The following ZBTB8OS variants were observed in gnomAD, a reference collection of about 807,000 sequenced individuals.
ZBTB8OS encodes the protein tRNA splicing ligase complex subunit 1, also known as tRNA-splicing ligase-activating factor archease.
In ZBTB8OS, 16 loss-of-function variants were observed where a neutral mutation model predicts 29.3. The observed-to-expected ratio is 0.55, with a 90% CI of 0.37 to 0.83. The LOEUF is 0.83. Among genes scored for constraint, ZBTB8OS ranks in the 40% least tolerant of loss-of-function variants. ZBTB8OS has a pLI of 0.00. For missense variants in ZBTB8OS, 160 were observed against 196.9 expected, an observed-to-expected ratio of 0.81 and a Z score of 1.12; for synonymous variants, 70 against 64.6, an observed-to-expected ratio of 1.08 and a Z score of -0.40.
rs769892082 is a variant in ZBTB8OS at position 32,631,842 on chromosome 1, T to C, written c.365A>G (p.Lys122Arg). 2 of 1,596,642 alleles carry C rather than the reference T, an allele frequency of 1.3e-6. No homozygotes were observed. The highest frequency in any genetic ancestry group is 4.5e-5 in the East Asian group (2 of 44,388). ...KVLSIDQRNF[K>R]LRSIGWGEEF... ...CAAAACTTACCCAATTGATCGTAATTTGAAATTTCTTTGATCAATGCTAAG... is the reference window on the plus strand; with the variant it reads ...CAAAACTTACCCAATTGATCGTAATCTGAAATTTCTTTGATCAATGCTAAG... Residue 122 changes from lysine to arginine, a missense_variant, in exon 5 of 7, where the codon AAA becomes AGA. By Grantham distance (26) the Lys-to-Arg change is conservative (BLOSUM62 2). Transcript: ENST00000468695.
intron 5 of ZBTB8OS, among the ~76,000 whole-genome samples, chr1:32,629,018 G>A (rs532607203): frequency 1.8e-4 from 27 of 152,232 alleles, no homozygotes; most frequent in African/African-American, 6.0e-4. Flanking sequence ...CCCCAATATA[G>A]TGTACCTATG....
chr1:32,631,582 T>C (rs1048934166), intron 5 of ZBTB8OS, among the ~76,000 whole-genome samples: 2 of 152,152 alleles, frequency 1.3e-5, no homozygotes, highest in African/African-American at 4.8e-5. Context: ...AGCTGGGCTT[T>C]ATGCTGTGCC....
intron 1 of ZBTB8OS, among the ~76,000 whole-genome samples, chr1:32,647,815 T>C (rs749384425): frequency 2.0e-5 from 3 of 152,202 alleles, no homozygotes; most frequent in Non-Finnish European, 4.4e-5. Flanking sequence ...TGTATAATTA[T>C]TTCATTATAT....
chr1:32,650,728 T>C, upstream of ZBTB8OS: 1 of 867,340 alleles, frequency 1.2e-6, no homozygotes, highest in East Asian at 2.6e-5. Context: ...CCCCATCTTC[T>C]GCGATTCCTT....
At chr1:32,623,619 A>G (rs1644895015) in intron 6 of ZBTB8OS, among the ~76,000 whole-genome samples, 1 of 152,042 alleles carries the variant, frequency 6.6e-6, no homozygotes, top group Non-Finnish European at 1.5e-5. Context: ...ACTTGATCCT[A>G]TACTCCCCTT....
In ZBTB8OS at chr1:32,627,544, C is replaced by T. The variant is rs752988165; in HGVS notation, c.381G>A (p.Gly127=). 6.2e-7 allele frequency: 1 copy of T among 1,613,178 alleles called. No homozygotes were observed. The part of the protein sequence containing the change: ...DQRNFKLRSI[G]WGEEFSLSKH... The stretch of plus-strand genomic sequence containing the variant: ...TGGACAATGAAAATTCTTCTCCCCA[C>T]CTTGAGAATACAAATTAAAACATGA... The change falls in exon 6 of 7, where the codon GGG becomes GGA. Residue 127 remains glycine (G), a splice_region_variant and synonymous_variant. Transcript: ENST00000468695.
At chr1:32,641,230 A>C (rs533759468) in intron 1 of ZBTB8OS, among the ~76,000 whole-genome samples, 1 of 150,162 alleles carries the variant, frequency 6.7e-6, no homozygotes, top group Non-Finnish European at 1.5e-5. Context: ...TCCATGAAAA[A>C]CGGACCTAGT....
At chr1:32,636,466 G>A (rs1325542342) in intron 1 of ZBTB8OS, among the ~76,000 whole-genome samples, 1 of 152,112 alleles carries the variant, frequency 6.6e-6, no homozygotes, top group Non-Finnish European at 1.5e-5. Flanking sequence ...CGAGGCAGGT[G>A]GATCACAAGG....
At chr1:32,649,118 C>T (rs1570776962) in intron 1 of ZBTB8OS, among the ~76,000 whole-genome samples, 1 of 151,690 alleles carries the variant, frequency 6.6e-6, no homozygotes, top group African/African-American at 2.4e-5. Context: ...CAGGCGCCCA[C>T]CATCATGCGC....
At chr1:32,650,321 C>A in intron 1 of ZBTB8OS, 112 bp downstream of exon 1, 1 of 1,399,106 alleles carries the variant, frequency 7.1e-7, no homozygotes, top group East Asian at 2.3e-5. Context: ...CAAATGGGAT[C>A]ATGCCTGAAG....
At chr1:32,650,127 A>G (rs1370653175) in intron 1 of ZBTB8OS, among the ~76,000 whole-genome samples, 10 of 152,126 alleles carry the variant, frequency 6.6e-5, no homozygotes, top group Middle Eastern at 3.2e-3. Context: ...GGGGGTAACA[A>G]CCCTGCAAAC....
chr1:32,631,940 TC>T, intron 4 of ZBTB8OS, 61 bp from the exon 5 acceptor site: 1 of 851,994 alleles, frequency 1.2e-6, no homozygotes, highest in Non-Finnish European at 1.7e-6. Context: ...CTACTAAAAA[TC>T]TTTTTGTTCT....
intron 1 of ZBTB8OS, among the ~76,000 whole-genome samples, chr1:32,640,902 C>G (rs1415956495): frequency 6.6e-6 from 1 of 151,784 alleles, no homozygotes; most frequent in Admixed American, 6.6e-5. Flanking sequence ...TGGAGGCCCA[C>G]ACCTGTAATC....
chr1:32,630,973 C>A (rs752515527), intron 5 of ZBTB8OS, among the ~76,000 whole-genome samples: 44 of 151,944 alleles, frequency 2.9e-4, no homozygotes, highest in Non-Finnish European at 2.2e-4. Context: ...AGATCACACA[C>A]TCCAGCCTGA....
At chr1:32,640,710 C>T (rs1374925205) in intron 1 of ZBTB8OS, among the ~76,000 whole-genome samples, 3 of 151,242 alleles carry the variant, frequency 2.0e-5, no homozygotes, top group South Asian at 2.1e-4. Context: ...GGTTTTGCCA[C>T]GTTGCCCAGG....
intron 2 of ZBTB8OS, 164 bp downstream of exon 2, chr1:32,634,604 T>C (rs1156565084): frequency 3.8e-6 from 3 of 793,798 alleles, no homozygotes; most frequent in Non-Finnish European, 6.3e-6. Flanking sequence ...CTCGGCTCAC[T>C]GAGCCACTGA....
chr1:32,636,710 T>TG (rs1393622434), intron 1 of ZBTB8OS, among the ~76,000 whole-genome samples: 1 of 133,630 alleles, frequency 7.5e-6, no homozygotes, highest in Non-Finnish European at 1.6e-5. Context: ...AAAAAAAAGG[T>TG]GGGGGGGAAG....
At chr1:32,638,050 AG>A (rs1487418133) in intron 1 of ZBTB8OS, among the ~76,000 whole-genome samples, 4 of 151,668 alleles carry the variant, frequency 2.6e-5, no homozygotes, top group African/African-American at 4.8e-5. Context: ...TTGGCCAGGC[AG>A]GTCTCAAACG....
chr1:32,641,813 C>A (rs1278597678), intron 1 of ZBTB8OS, among the ~76,000 whole-genome samples: 1 of 151,284 alleles, frequency 6.6e-6, no homozygotes. Context: ...CCCAGCTACT[C>A]AGGAGGCTGA....
Sources: allele counts gnomAD v4.1 joint callset (sites outside exome capture counted in the v4.1 genomes callset), GRCh38; gene constraint gnomAD v4.1.1; transcripts MANE v1.5; gene names NCBI Gene and HGNC (gene_info 2026-07-23, HGNC 2026-07-21).